The following LRP1B variants were observed in gnomAD, a reference collection of about 807,000 sequenced individuals.
LRP1B encodes the protein low-density lipoprotein receptor-related protein 1B.
In LRP1B, 217 loss-of-function variants were observed where a neutral mutation model predicts 556.6. The observed-to-expected ratio is 0.39, with a 90% CI of 0.35 to 0.44. The LOEUF (loss-of-function observed/expected upper bound fraction) is 0.44. LRP1B is among the 20% of genes least tolerant of loss of function. The pLI is 1.00. For synonymous variants in LRP1B, 2,047 were observed against 1,865.8 expected (o/e 1.10, Z -2.50); for missense variants, 5,053 against 5,620.8 (o/e 0.90, Z 3.23).
At chr2:141,882,359 G>A (rs1024200509) in intron 1 of LRP1B, among the ~76,000 whole-genome samples, 8 of 152,018 alleles carry the variant, frequency 5.3e-5, no homozygotes, top group African/African-American at 1.2e-4. Flanking sequence ...TGAAGATTAC[G>A]ACAACAGAAC....
chr2:141,501,107 TTGAACAATAA>T (rs1179204128), intron 2 of LRP1B, among the ~76,000 whole-genome samples: 1 of 152,154 alleles, frequency 6.6e-6, no homozygotes, highest in Non-Finnish European at 1.5e-5. Flanking sequence ...TCTTGCAAAG[TTGAACAATAA>T]TGATAATTCA....
intron 11 of LRP1B, among the ~76,000 whole-genome samples, chr2:141,035,134 T>C (rs1297885938): frequency 6.6e-6 from 1 of 150,516 alleles, no homozygotes; most frequent in Non-Finnish European, 1.5e-5. Context: ...ATGTTCTCAC[T>C]CATAGATGGG....
At chr2:140,722,000 A>G (rs553354572) in intron 35 of LRP1B, among the ~76,000 whole-genome samples, 2 of 152,246 alleles carry the variant, frequency 1.3e-5, no homozygotes, top group Non-Finnish European at 2.9e-5. Context: ...ATAGCATCAC[A>G]CAGACTCCTC....
chr2:140,291,784 C>A (rs1683400633), intron 84 of LRP1B, among the ~76,000 whole-genome samples: 1 of 152,112 alleles, frequency 6.6e-6, no homozygotes, highest in Admixed American at 6.5e-5. Context: ...GTGCATGTTT[C>A]TTAATAGCAG....
chr2:140,946,250 G>C (rs188196796), intron 20 of LRP1B, among the ~76,000 whole-genome samples: 130 of 152,274 alleles, frequency 8.5e-4, no homozygotes, highest in Non-Finnish European at 1.6e-3. Flanking sequence ...GACACTGTTG[G>C]TAGAAATGTA....
chr2:141,782,514 C>CTTTTTTTTTTTTTTTTTTTTTTTTT (rs5834867), intron 2 of LRP1B, among the ~76,000 whole-genome samples: 2 of 97,864 alleles, frequency 2.0e-5, no homozygotes, highest in Non-Finnish European at 1.9e-5. Flanking sequence ...TTCTATTTTC[C>CTTTTTTTTTTTTTTTTTTTTTTTTT]TTTTTTTTTT....
intron 2 of LRP1B, among the ~76,000 whole-genome samples, chr2:141,666,347 T>C (rs1355660787): frequency 1.3e-5 from 2 of 152,124 alleles, no homozygotes; most frequent in African/African-American, 2.4e-5. Context: ...CCTTATCTCA[T>C]GGTGGCAATC....
intron 25 of LRP1B, among the ~76,000 whole-genome samples, chr2:140,870,557 A>C (rs1206937201): frequency 4.6e-5 from 7 of 152,088 alleles, no homozygotes; most frequent in African/African-American, 1.7e-4. Context: ...GGACACTTGA[A>C]CCTTCAGAGA....
chr2:141,642,655 G>C (rs1201844660), intron 2 of LRP1B, among the ~76,000 whole-genome samples: 2 of 152,098 alleles, frequency 1.3e-5, no homozygotes, highest in African/African-American at 4.8e-5. Flanking sequence ...TGAAGAAGAA[G>C]ATGGATGGCA....
chr2:141,613,594 C>T (rs1688185921), intron 2 of LRP1B, among the ~76,000 whole-genome samples: 1 of 152,146 alleles, frequency 6.6e-6, no homozygotes, highest in Admixed American at 6.5e-5. Flanking sequence ...TCAACTTGGA[C>T]ACTTTACATT....
At chr2:141,267,216 G>C (rs1011671115) in intron 3 of LRP1B, among the ~76,000 whole-genome samples, 5 of 152,090 alleles carry the variant, frequency 3.3e-5, no homozygotes, top group African/African-American at 4.8e-5. Flanking sequence ...AAGACACAAT[G>C]GTAGCTCAAA....
chr2:140,432,343 C>T (rs11895957), intron 66 of LRP1B, among the ~76,000 whole-genome samples: 48,880 of 152,088 alleles, frequency 0.32, 8,384 homozygotes, highest in African/African-American at 0.36. Flanking sequence ...CCAGGTGAAA[C>T]AAACAGCCTT....
chr2:141,031,999 C>T lies in LRP1B; in HGVS notation c.1790-11897G>A, dbSNP rs562366309. On this transcript the variant is annotated intron_variant, in intron 11 of 90. Coordinates refer to ENST00000389484, the MANE Select transcript of LRP1B (RefSeq NM_018557.3). ...ATTTTCTTTGTAATTCTTACTCAAGCTAAGAATGTATATCATGTTGTACAA... is the reference window on the plus strand; with the variant it reads ...ATTTTCTTTGTAATTCTTACTCAAGTTAAGAATGTATATCATGTTGTACAA... Among the ~76,000 whole-genome samples, 94 of 151,936 alleles carry T rather than the reference C, an allele frequency of 6.2e-4. 1 individual carries two copies. Among genetic ancestry groups the T allele is most frequent in the African/African-American group, 2.0e-3 (85 of 41,480 alleles).
At chr2:141,023,471 T>C (rs1278176660) in intron 11 of LRP1B, among the ~76,000 whole-genome samples, 1 of 151,976 alleles carries the variant, frequency 6.6e-6, no homozygotes, top group Non-Finnish European at 1.5e-5. Context: ...AGGACTGTTC[T>C]TCAAATGAAT....
chr2:141,353,797 T>C (rs1355430617), intron 3 of LRP1B, among the ~76,000 whole-genome samples: 1 of 152,022 alleles, frequency 6.6e-6, no homozygotes, highest in Non-Finnish European at 1.5e-5. Flanking sequence ...TACCTTTGTT[T>C]CTTCTTCTCC....
intron 2 of LRP1B, among the ~76,000 whole-genome samples, chr2:141,587,094 G>GA (rs1184963570): frequency 1.3e-5 from 2 of 151,974 alleles, no homozygotes; most frequent in Non-Finnish European, 1.5e-5. Flanking sequence ...TTGCATATTG[G>GA]AAAAAAGTAA....
Position 140,950,255 on chromosome 2 carries a change from T to C in LRP1B, c.3116A>G (p.Gln1039Arg). ...CTAACCTTCTTTAGTACAATTGATC[T>C]GGGCTTCATCACTGAAGTCCCCACA... The part of the protein sequence containing the change: ...NDCGDFSDEA[Q>R]INCTKEEIHS... The change falls in exon 20 of 91, where the codon CAG (glutamine) becomes CGG (arginine). Residue 1039 changes from glutamine (Q) to arginine (R), a missense_variant. Gln to Arg is a conservative substitution (Grantham distance 43). Coordinates refer to ENST00000389484, the MANE Select transcript of LRP1B (RefSeq NM_018557.3). 1 of 1,594,388 alleles carries C rather than the reference T, an allele frequency of 6.3e-7. No individual in the cohort carries two copies. The highest frequency in any genetic ancestry group is 1.4e-5 in the African/African-American group (1 of 73,732).
At chr2:141,754,999 T>C (rs1341235422) in intron 2 of LRP1B, among the ~76,000 whole-genome samples, 1 of 140,640 alleles carries the variant, frequency 7.1e-6, no homozygotes, top group East Asian at 1.9e-4. Context: ...GCTATCCTCT[T>C]ATATATATAT....
At chr2:141,705,183 A>G (rs867226133) in intron 2 of LRP1B, among the ~76,000 whole-genome samples, 1 of 152,010 alleles carries the variant, frequency 6.6e-6, no homozygotes, top group South Asian at 2.1e-4. Context: ...CTCTGGAACC[A>G]CTGTATTTAT....
Sources: gnomAD v4.1 joint callset for allele counts (sites outside exome capture counted in the v4.1 genomes callset) on GRCh38, gnomAD v4.1.1 for gene constraint, MANE v1.5 for transcripts, NCBI Gene and HGNC (gene_info 2026-07-23, HGNC 2026-07-21) for gene names.